The following CA5B variants were observed in gnomAD, a reference collection of about 807,000 sequenced individuals.
CA5B encodes carbonic anhydrase 5B, mitochondrial.
A neutral mutation model predicts 23.1 loss-of-function variants in CA5B; 15 were observed. The observed-to-expected ratio is 0.65, with a 90% CI of 0.43 to 1.00. The LOEUF is 1.00. Ranked by LOEUF, CA5B falls within the 50% of genes least tolerant of loss-of-function variation. CA5B has a pLI of 0.00. For missense variants in CA5B, 236 were observed against 252.2 expected (o/e 0.94, Z 0.43); for synonymous variants, 84 against 98.5 (o/e 0.85, Z 0.87).
intron 5 of CA5B, among the ~76,000 whole-genome samples, 179 bp from the exon 6 acceptor site, chrX:15,775,067 T>TTC (rs900579044): frequency 8.9e-6 from 1 of 112,963 alleles, no homozygotes; most frequent in Non-Finnish European, 1.9e-5. Flanking sequence ...TGCTGATTTG[T>TTC]TCTCTAATTT....
At chrX:15,752,257 A>G (rs1343527005) in intron 2 of CA5B, among the ~76,000 whole-genome samples, 2 of 111,130 alleles carry the variant, frequency 1.8e-5, no homozygotes, top group Non-Finnish European at 3.8e-5. Flanking sequence ...ATAAATTCTC[A>G]CCAGATGGGT....
At chrX:15,764,958 T>G (rs1372126612) in intron 3 of CA5B, 183 bp downstream of exon 3, 1 of 616,650 alleles carries the variant, frequency 1.6e-6, no homozygotes, top group African/African-American at 2.3e-5. Context: ...CATATTTTCT[T>G]CAACTAGTAT....
At chrX:15,747,517 A>AG (rs746133318) in intron 1 of CA5B, among the ~76,000 whole-genome samples, 1 of 109,060 alleles carries the variant, frequency 9.2e-6, no homozygotes, top group African/African-American at 3.3e-5. Flanking sequence ...AAATGGCAGG[A>AG]GGGGGGGTAG....
chrX:15,765,068 T>G (rs1458246448), intron 3 of CA5B, among the ~76,000 whole-genome samples: 1 of 112,316 alleles, frequency 8.9e-6, no homozygotes, highest in Admixed American at 9.5e-5. Flanking sequence ...TACCAGAAAT[T>G]TATTTTGTAT....
intron 1 of CA5B, among the ~76,000 whole-genome samples, chrX:15,742,461 C>T (rs943961793): frequency 1.8e-5 from 2 of 112,520 alleles, no homozygotes; most frequent in Non-Finnish European, 3.8e-5. Context: ...ACAACCTCCA[C>T]CTCCTGGGTT....
intron 1 of CA5B, among the ~76,000 whole-genome samples, chrX:15,739,221 G>A (rs140549376): frequency 8.0e-5 from 9 of 111,807 alleles, no homozygotes; most frequent in Non-Finnish European, 1.5e-4. Flanking sequence ...ACTGAAAACC[G>A]CGTTGCTTTC....
intron 1 of CA5B, among the ~76,000 whole-genome samples, chrX:15,748,542 C>A (rs1178059216): frequency 9.0e-6 from 1 of 111,429 alleles, no homozygotes; most frequent in African/African-American, 3.3e-5. Flanking sequence ...TGCATTTTGA[C>A]ATACATGCTC....
chrX:15,764,986 A>G lies in CA5B; in HGVS notation c.340+211A>G. The G allele has an allele frequency of 8.4e-6, 4 of 475,925 alleles. No homozygotes were observed. In the East Asian group the frequency reaches 1.7e-4, roughly 20 times the overall value. The allele number at this position is 475,925 out of a possible 1,213,427, so 39.2% of individuals were successfully genotyped here. On this transcript the variant is annotated intron_variant, in intron 3 of 7. Coordinates refer to ENST00000318636, the MANE Select transcript of CA5B (RefSeq NM_007220.4). ...ACTAGTATAGGTAGTATTTTTAATTAATAAATATATCTCTATCTCTCTATG... is the reference window on the plus strand; with the variant it reads ...ACTAGTATAGGTAGTATTTTTAATTGATAAATATATCTCTATCTCTCTATG...
In CA5B at chrX:15,749,964, C is replaced by T; in HGVS notation, c.-53-7C>T. On this transcript the variant is annotated splice_region_variant and splice_polypyrimidine_tract_variant and intron_variant, in intron 1 of 7. Transcript: ENST00000318636. ...CAGCTTTCCCTCCTCTGCCCTCATC[C>T]CTCTAGATTATTAAGTTCCTGCAAC... 1.7e-6 allele frequency: 2 copies of T among 1,184,965 alleles called. No homozygotes were observed. The highest frequency in any genetic ancestry group is 4.8e-4 in the Middle Eastern group (2 of 4,208).
chrX:15,779,321 A>T lies in CA5B; in HGVS notation c.774+2452A>T, dbSNP rs761841017. Among the ~76,000 whole-genome samples the T allele has an allele frequency of 2.7e-5, 3 of 111,201 alleles. No homozygotes were observed. The South Asian group carries it at 1.1e-3, about 42-fold the overall frequency. On this transcript the variant is annotated intron_variant, in intron 7 of 7. Transcript: ENST00000318636. ...ATTCAGACCCTCAGTTTATTGGATG[A>T]CTCCCATCTACTTTAGGGAGGGCCA...
intron 2 of CA5B, among the ~76,000 whole-genome samples, chrX:15,755,411 T>C (rs746606198): frequency 8.9e-6 from 1 of 112,173 alleles, no homozygotes; most frequent in South Asian, 3.7e-4. Flanking sequence ...TTTGTGATTC[T>C]GCGATCATCC....
At chrX:15,762,121 T>A (rs892727456) in intron 2 of CA5B, among the ~76,000 whole-genome samples, 1 of 109,955 alleles carries the variant, frequency 9.1e-6, no homozygotes, top group Non-Finnish European at 1.9e-5. Context: ...TACACAAAAG[T>A]TAGCCGGGTG....
chrX:15,753,409 A>G (rs1185154000), intron 2 of CA5B, among the ~76,000 whole-genome samples: 1 of 112,056 alleles, frequency 8.9e-6, no homozygotes, highest in Non-Finnish European at 1.9e-5. Context: ...GTAGAAGCCA[A>G]GGTTCTTGTT....
chrX:15,759,007 A>G (rs1267005333), intron 2 of CA5B, among the ~76,000 whole-genome samples: 1 of 111,723 alleles, frequency 9.0e-6, no homozygotes, highest in East Asian at 2.8e-4. Flanking sequence ...TCGGAGTGCT[A>G]TGATTTAAAA....
intron 2 of CA5B, among the ~76,000 whole-genome samples, chrX:15,760,761 G>C (rs759346362): frequency 9.0e-6 from 1 of 111,440 alleles, no homozygotes; most frequent in South Asian, 3.8e-4. Context: ...TTTGTGTCAG[G>C]AATCTTTACA....
intron 3 of CA5B, among the ~76,000 whole-genome samples, chrX:15,767,317 T>C (rs1366870070): frequency 8.9e-6 from 1 of 112,371 alleles, no homozygotes; most frequent in Non-Finnish European, 1.9e-5. Flanking sequence ...GTTTCTTAAC[T>C]AAGTGACTTG....
At position 15,751,667 on chromosome X, in the gene CA5B, C is replaced by G. The variant is rs12010960; in HGVS notation, c.142+1502C>G. Among the ~76,000 whole-genome samples, 821 of 109,679 alleles carry G rather than the reference C, an allele frequency of 7.5e-3. 6 individuals are homozygous for G. Among genetic ancestry groups the G allele is most frequent in the African/African-American group, 0.024 (730 of 30,124 alleles). ...AGTGGCTTCGGGAGGGGCAGTTTTA[C>G]TTAGTGAATTTCCCACAACAGATGA... On this transcript the variant is annotated intron_variant, in intron 2 of 7. Transcript: ENST00000318636.
chrX:15,782,680 G>A lies in CA5B; in HGVS notation c.*16G>A, dbSNP rs1316450989. 8.8e-7 allele frequency: 1 copy of A among 1,142,763 alleles called. No homozygotes were observed. The highest frequency in any genetic ancestry group is 1.8e-5 in the African/African-American group (1 of 54,617). 94.2% of individuals were successfully genotyped at this position (1,142,763 alleles called of 1,213,427 possible). ...AACCCCCTAAAACATTCATATCTAG[G>A]CAGTATTTTGCTTTTGCTTTAATAT... On this transcript the variant is annotated 3_prime_UTR_variant, in exon 8 of 8. Transcript: ENST00000318636.
rs1447322108 is a variant in CA5B, at chrX:15,754,728, T to G, written c.142+4563T>G. On this transcript the variant is annotated intron_variant, in intron 2 of 7. Coordinates refer to ENST00000318636, the MANE Select transcript of CA5B (RefSeq NM_007220.4). ...GAAAGTGCATTTAATAATTCTTAAT[T>G]GAATGAAATATAAAGAATATCAGGT... Among the ~76,000 whole-genome samples the G allele has an allele frequency of 3.4e-4, 38 of 112,367 alleles. No individual in the cohort carries two copies. The Admixed American group carries it at 3.6e-3, about 11-fold the overall frequency.
Sources: gnomAD v4.1 joint callset for allele counts (sites outside exome capture counted in the v4.1 genomes callset) on GRCh38, gnomAD v4.1.1 for gene constraint, MANE v1.5 for transcripts, NCBI Gene and HGNC (gene_info 2026-07-23, HGNC 2026-07-21) for gene names.